TRAK1: variants seen among roughly 807,000 people sequenced by gnomAD.
The protein encoded by TRAK1 is trafficking kinesin protein 1.
Under a neutral mutation model 92.1 loss-of-function variants are expected in TRAK1, and 33 were observed. The observed-to-expected ratio is 0.36, with a 90% CI of 0.27 to 0.48. The LOEUF is 0.48. TRAK1 is among the 20% of genes least tolerant of loss of function. The probability of loss-of-function intolerance (pLI) is 0.99; values close to 1 mark genes in which losing one functional copy is unlikely to be tolerated. For missense variants in TRAK1, 1,123 were observed against 1,257.9 expected (o/e 0.89, Z 1.62); for synonymous variants, 521 against 517.3 (o/e 1.01, Z -0.10).
intron 2 of TRAK1, among the ~76,000 whole-genome samples, chr3:42,142,639 T>G (rs190162132): frequency 2.0e-5 from 3 of 152,336 alleles, no homozygotes; most frequent in Admixed American, 2.0e-4. Flanking sequence ...ATAAAAGGTA[T>G]TAGTGGCAGA....
At chr3:42,218,061 A>G (rs1186057822) in intron 14 of TRAK1, 2 of 984,868 alleles carry the variant, frequency 2.0e-6, no homozygotes, top group Admixed American at 1.2e-4. Context: ...GCCTGCTTTG[A>G]CACACAGACC....
chr3:42,172,220 C>G (rs1702656430), intron 2 of TRAK1, among the ~76,000 whole-genome samples: 1 of 152,192 alleles, frequency 6.6e-6, no homozygotes, highest in East Asian at 1.9e-4. Context: ...GGGCAGCCCT[C>G]TGCCTGGCAC....
intron 1 of TRAK1, among the ~76,000 whole-genome samples, chr3:42,122,253 A>C (rs1310976719): frequency 1.3e-5 from 2 of 152,188 alleles, no homozygotes; most frequent in Non-Finnish European, 2.9e-5. Flanking sequence ...TCAGCCCTGG[A>C]AACATGGAAG....
intron 1 of TRAK1, among the ~76,000 whole-genome samples, chr3:42,032,056 C>T (rs1429080621): frequency 6.6e-6 from 1 of 152,152 alleles, no homozygotes; most frequent in Non-Finnish European, 1.5e-5. Flanking sequence ...GGAATCAGCT[C>T]CTTCACCCGC....
chr3:42,049,120 C>T (rs553115463), intron 1 of TRAK1, among the ~76,000 whole-genome samples: 1 of 152,322 alleles, frequency 6.6e-6, no homozygotes, highest in South Asian at 2.1e-4. Context: ...AACTCCTGGA[C>T]TCAAGTGATC....
At chr3:42,201,087 T>A in intron 12 of TRAK1, 33 bp downstream of exon 12, 1 of 1,604,398 alleles carries the variant, frequency 6.2e-7, no homozygotes. Context: ...CTTCTCTGTT[T>A]TGGGGTGAGG....
At chr3:42,024,208 A>G (rs1701835280) in intron 1 of TRAK1, among the ~76,000 whole-genome samples, 1 of 152,122 alleles carries the variant, frequency 6.6e-6, no homozygotes. Context: ...TAGTGACTAG[A>G]GATTGGGAGA....
chr3:42,146,070 A>T (rs1042081926), intron 2 of TRAK1: 3 of 454,590 alleles, frequency 6.6e-6, no homozygotes, highest in African/African-American at 6.1e-5. Flanking sequence ...TGAGTAAGAA[A>T]GATTCTGCTC....
rs780351860 is a variant in TRAK1, at chr3:42,202,420, C to G, written c.1428-16C>G. The G allele has an allele frequency of 6.8e-7, 1 of 1,474,118 alleles. No individual in the cohort carries two copies. The highest frequency in any genetic ancestry group is 9.0e-7 in the Non-Finnish European group (1 of 1,109,050). The allele number at this position is 1,474,118 out of a possible 1,614,324, so 91.3% of individuals were successfully genotyped here. Reference sequence around the variant, plus strand: ...CCCTGCTGGCATTCCACCCTCACACCCCTTTCTTCTTCCAGAAACGATGAG... The same window carrying G: ...CCCTGCTGGCATTCCACCCTCACACGCCTTTCTTCTTCCAGAAACGATGAG... On this transcript the variant is annotated splice_polypyrimidine_tract_variant and intron_variant, in intron 12 of 15. Coordinates refer to ENST00000327628, the MANE Select transcript of TRAK1 (RefSeq NM_001042646.3). The surrounding 1 kb of genome is among the most constrained non-coding windows in gnomAD (Gnocchi z 6.1).
In TRAK1 at chr3:42,223,917, T is replaced by A; in HGVS notation, c.*180T>A. 1 of 730,946 alleles carries A rather than the reference T, an allele frequency of 1.4e-6. No individual in the cohort carries two copies. Among genetic ancestry groups the A allele is most frequent in the Non-Finnish European group, 2.3e-6 (1 of 440,314 alleles). 45.3% of individuals were successfully genotyped at this position (730,946 alleles called of 1,614,324 possible). A position where few individuals can be genotyped will look rare whatever the true frequency, so the allele number is the denominator to read the frequency against. ...AAGTGTGGAAACTTTGTAAAATGTGTACATAGGACTTGGAGACCTTGTGTC... is the reference window on the plus strand; with the variant it reads ...AAGTGTGGAAACTTTGTAAAATGTGAACATAGGACTTGGAGACCTTGTGTC... On this transcript the variant is annotated 3_prime_UTR_variant, in exon 16 of 16. Transcript: ENST00000327628. The surrounding 1 kb of genome is among the most constrained non-coding windows in gnomAD (Gnocchi z 6.1).
At chr3:42,117,733 G>C (rs1046917156) in intron 1 of TRAK1, among the ~76,000 whole-genome samples, 6 of 152,160 alleles carry the variant, frequency 3.9e-5, no homozygotes, top group Non-Finnish European at 8.8e-5. Flanking sequence ...CCACCACTCA[G>C]AGCATTTAAC....
At chr3:42,204,316 A>G in intron 13 of TRAK1, 2 of 941,200 alleles carry the variant, frequency 2.1e-6, no homozygotes, top group Non-Finnish European at 2.5e-6. Context: ...TATGTTTTTG[A>G]ATTTATTTTC....
chr3:42,206,572 T>G (rs576842881), intron 13 of TRAK1, among the ~76,000 whole-genome samples: 1 of 152,206 alleles, frequency 6.6e-6, no homozygotes, highest in Non-Finnish European at 1.5e-5. Context: ...ATCTGCAGAA[T>G]GCAGACAGCA....
chr3:42,075,606 A>G (rs1704121348), intron 1 of TRAK1, among the ~76,000 whole-genome samples: 1 of 152,168 alleles, frequency 6.6e-6, no homozygotes, highest in Non-Finnish European at 1.5e-5. Flanking sequence ...ATACATTTCT[A>G]CCAGCAGTGG....
At position 42,100,523 on chromosome 3, in the gene TRAK1, T is replaced by C. The variant is rs979342369; in HGVS notation, c.91+8963T>C. Among the ~76,000 whole-genome samples the C allele has an allele frequency of 3.3e-5, 5 of 152,208 alleles. No individual in the cohort carries two copies. The South Asian group carries it at 1.0e-3, about 32-fold the overall frequency. On this transcript the variant is annotated intron_variant, in intron 1 of 15. Transcript: ENST00000327628. ...TTACTGGAACTAATTCCAGAAGTAG[T>C]TTTTGTAAGGGACGGTGTCATTATA...
At chr3:42,176,243 A>G (rs889881063) in intron 2 of TRAK1, among the ~76,000 whole-genome samples, 3 of 152,166 alleles carry the variant, frequency 2.0e-5, no homozygotes, top group African/African-American at 7.2e-5. Flanking sequence ...AAAAATAACA[A>G]CCTAGTTTTC....
rs545660405 is a variant in TRAK1, at chr3:42,223,525, C to G, written c.2650C>G (p.Leu884Val). 1.3e-5 allele frequency: 21 copies of G among 1,613,798 alleles called. No individual in the cohort carries two copies. In the East Asian group the frequency reaches 4.7e-4, roughly 36 times the overall value. Residue 884 changes from leucine (L) to valine (V), a missense_variant, in exon 16 of 16, where the codon CTT (leucine) becomes GTT (valine). Leu to Val is a conservative substitution (Grantham distance 32). Coordinates refer to ENST00000327628, the MANE Select transcript of TRAK1 (RefSeq NM_001042646.3). This position sits in a 1 kb window ranked among gnomAD's most constrained non-coding sequence, Gnocchi z 6.1. The part of the protein sequence containing the change: ...LCGPPGPAPA[L>V]VPRGLVPEGL... The stretch of plus-strand genomic sequence containing the variant: ...TGGGCCCCCGGGGCCAGCACCAGCC[C>G]TTGTTCCCAGAGGCCTGGTACCTGA...
intron 2 of TRAK1, among the ~76,000 whole-genome samples, chr3:42,169,460 G>C (rs1419933538): frequency 1.3e-5 from 2 of 152,020 alleles, no homozygotes; most frequent in African/African-American, 4.8e-5. Context: ...ATCTTGAGTA[G>C]ATACTTAGGA....
chr3:42,198,152 C>G (rs1019859878), intron 10 of TRAK1, among the ~76,000 whole-genome samples: 1 of 152,206 alleles, frequency 6.6e-6, no homozygotes, highest in Non-Finnish European at 1.5e-5. Context: ...TCTGCACACA[C>G]TTGGTCCTGT....
Sources: allele counts gnomAD v4.1 joint callset (sites outside exome capture counted in the v4.1 genomes callset), GRCh38; gene constraint gnomAD v4.1.1; non-coding constraint Gnocchi (gnomAD v3.1); transcripts MANE v1.5; gene names NCBI Gene and HGNC (gene_info 2026-07-23, HGNC 2026-07-21).